UBAC1: variants seen among roughly 807,000 people sequenced by gnomAD.
UBAC1 encodes the protein UBA domain containing 1.
In UBAC1, 27 loss-of-function variants were observed where a neutral mutation model predicts 45.9. That is an observed-to-expected ratio of 0.59 (90% confidence interval 0.43 to 0.81). UBAC1 has a LOEUF of 0.81. Ranked by LOEUF, UBAC1 falls within the 30% of genes least tolerant of loss-of-function variation. UBAC1 has a pLI of 0.00. For synonymous variants in UBAC1, 227 were observed against 215.5 expected (o/e 1.05, Z -0.47); for missense variants, 529 against 539.2 (o/e 0.98, Z 0.19).
At chr9:135,951,953 T>C (rs1277147959) in intron 3 of UBAC1, among the ~76,000 whole-genome samples, 2 of 152,236 alleles carry the variant, frequency 1.3e-5, no homozygotes, top group East Asian at 1.9e-4. Flanking sequence ...TCCAAGAGGC[T>C]GTGGGGCAAC....
rs981347818 is a variant in UBAC1, at chr9:135,947,845, G to A, written c.394C>T (p.Pro132Ser). The A allele has an allele frequency of 2.5e-6, 4 of 1,614,060 alleles. No individual in the cohort carries two copies. In the East Asian group the frequency reaches 8.9e-5, roughly 36 times the overall value. ...GCGGCCCGGTCCATGTTGTAGGAGGGCAGGTTGGCGGTGGCCCGCAGTATG... is the reference window on the plus strand; with the variant it reads ...GCGGCCCGGTCCATGTTGTAGGAGGACAGGTTGGCGGTGGCCCGCAGTATG... ...EAILRATANL[P>S]SYNMDRAAVQ... The change falls in exon 4 of 10, where the codon CCC becomes TCC. Residue 132 changes from proline to serine, a missense_variant. Transcript: ENST00000371756.
intron 7 of UBAC1, 64 bp from the exon 8 acceptor site, chr9:135,939,823 C>A (rs142043344): frequency 1.4e-6 from 2 of 1,460,396 alleles, no homozygotes; most frequent in Non-Finnish European, 1.9e-6. Context: ...CAGTGACCTG[C>A]GTGCAGAGGG....
At chr9:135,935,653 T>C (rs374666650) in intron 9 of UBAC1, among the ~76,000 whole-genome samples, 3 of 150,066 alleles carry the variant, frequency 2.0e-5, no homozygotes, top group Admixed American at 2.0e-4. Context: ...GGAAAACAAA[T>C]AGATGACACG....
chr9:135,954,200 T>C (rs1026409173), intron 2 of UBAC1, among the ~76,000 whole-genome samples: 1 of 150,508 alleles, frequency 6.6e-6, no homozygotes, highest in African/African-American at 2.4e-5. Flanking sequence ...CTCACTCCTG[T>C]AATCCCAGCA....
chr9:135,954,081 C>T (rs959095672), intron 2 of UBAC1, among the ~76,000 whole-genome samples: 1 of 148,910 alleles, frequency 6.7e-6, no homozygotes, highest in Non-Finnish European at 1.5e-5. Flanking sequence ...GGAGGTTGCA[C>T]TGAGCCAAGA....
chr9:135,935,571 G>A (rs536297616), intron 9 of UBAC1, among the ~76,000 whole-genome samples: 1 of 152,198 alleles, frequency 6.6e-6, no homozygotes, highest in African/African-American at 2.4e-5. Flanking sequence ...GGTCAAGGCT[G>A]CAGTAAGCTG....
chr9:135,959,675 G>A (rs1205431348), intron 1 of UBAC1, among the ~76,000 whole-genome samples: 1 of 152,058 alleles, frequency 6.6e-6, no homozygotes, highest in Non-Finnish European at 1.5e-5. Context: ...GCCCGGCCCA[G>A]AGAAGTTTTT....
chr9:135,935,039 T>C (rs972689943), intron 9 of UBAC1, among the ~76,000 whole-genome samples: 9 of 152,100 alleles, frequency 5.9e-5, no homozygotes, highest in Non-Finnish European at 1.2e-4. Context: ...GTGCCACCAC[T>C]CCTGGCTGAT....
At chr9:135,947,307 G>C (rs7870592) in intron 4 of UBAC1, among the ~76,000 whole-genome samples, 1 of 151,782 alleles carries the variant, frequency 6.6e-6, no homozygotes, top group African/African-American at 2.4e-5. Context: ...GCTGGAGTAC[G>C]ATGATGCAAT....
intron 7 of UBAC1, among the ~76,000 whole-genome samples, chr9:135,941,884 G>T (rs1411795809): frequency 1.3e-5 from 2 of 152,246 alleles, no homozygotes; most frequent in Non-Finnish European, 2.9e-5. Flanking sequence ...AACAAAGCTA[G>T]TATCTCGATC....
intron 3 of UBAC1, among the ~76,000 whole-genome samples, chr9:135,952,577 G>A (rs751054344): frequency 4.6e-5 from 7 of 152,224 alleles, no homozygotes; most frequent in Non-Finnish European, 7.3e-5. Context: ...GCAAGTGGAC[G>A]GTGCAGACCA....
chr9:135,939,433 C>T (rs1034928765), intron 8 of UBAC1, among the ~76,000 whole-genome samples: 11 of 152,112 alleles, frequency 7.2e-5, no homozygotes, highest in African/African-American at 2.7e-4. Flanking sequence ...CCAGCACTCG[C>T]CCAGCCTGAC....
rs1295120438 is a variant in UBAC1 at position 135,953,834 on chromosome 9, T to C, written c.260-81A>G. 3.1e-6 allele frequency: 4 copies of C among 1,300,382 alleles called. No homozygotes were observed. In the East Asian group the frequency reaches 7.4e-5, roughly 24 times the overall value. 80.6% of individuals were successfully genotyped at this position (1,300,382 alleles called of 1,614,324 possible). A position where few individuals can be genotyped will look rare whatever the true frequency, so the allele number is the denominator to read the frequency against. On this transcript the variant is annotated intron_variant, in intron 2 of 9. Coordinates refer to ENST00000371756, the MANE Select transcript of UBAC1 (RefSeq NM_016172.3). ...ATGGCATAAAGGGTGCTGGATGCCCTGAGAACAGAACAGCAGGGATTCGGC... is the reference window on the plus strand; with the variant it reads ...ATGGCATAAAGGGTGCTGGATGCCCCGAGAACAGAACAGCAGGGATTCGGC...
Position 135,947,877 on chromosome 9 carries a change from T to C in UBAC1, c.362A>G (p.Lys121Arg). Residue 121 changes from lysine (K) to arginine (R), a missense_variant, in exon 4 of 10, where the codon AAA becomes AGA. Lys to Arg is a conservative substitution (Grantham distance 26, BLOSUM62 2). Transcript: ENST00000371756. The stretch of plus-strand genomic sequence containing the variant: ...GGCGGTGGCCCGCAGTATGGCCTCT[T>C]TATCTGGAGCTTTCTGGTCTTGTTT... ...KKKQDQKAPD[K>R]EAILRATANL... is the part of the protein sequence containing the mutation. 1 of 1,614,130 alleles carries C rather than the reference T, an allele frequency of 6.2e-7. No homozygotes were observed. The highest frequency in any genetic ancestry group is 8.5e-7 in the Non-Finnish European group (1 of 1,179,990).
intron 2 of UBAC1, among the ~76,000 whole-genome samples, chr9:135,954,497 C>A (rs972663632): frequency 2.6e-5 from 4 of 152,216 alleles, no homozygotes; most frequent in Admixed American, 2.0e-4. Context: ...CACCAGCCTT[C>A]CCTCACTTTT....
In UBAC1 at chr9:135,961,070, G is replaced by C. The variant is rs1473013885; in HGVS notation, c.93C>G (p.Thr31=). Residue 31 remains threonine, a synonymous_variant, in exon 1 of 10, where the codon ACC becomes ACG. Coordinates refer to ENST00000371756, the MANE Select transcript of UBAC1 (RefSeq NM_016172.3). ...TGAGCTTCTCCACCGAGGTGTCCTC[G>C]GTGGCCTCCTCCAGCCACTCGGCGC... ...SDGAEWLEEA[T]EDTSVEKLKE... 5 of 1,583,052 alleles carry C rather than the reference G, an allele frequency of 3.2e-6. No homozygotes were observed. Among genetic ancestry groups the C allele is most frequent in the Non-Finnish European group, 4.3e-6 (5 of 1,170,286 alleles).
chr9:135,953,306 T>C (rs1208719777), intron 3 of UBAC1, among the ~76,000 whole-genome samples: 1 of 152,200 alleles, frequency 6.6e-6, no homozygotes, highest in African/African-American at 2.4e-5. Context: ...ATTCTTTTTT[T>C]TTTAAGTTTG....
intron 5 of UBAC1, 33 bp downstream of exon 5, chr9:135,946,236 G>A (rs550405714): frequency 9.4e-6 from 14 of 1,488,364 alleles, no homozygotes; most frequent in Admixed American, 3.3e-5. Context: ...GCAGTGAACC[G>A]CCCTGGAATG....
intron 3 of UBAC1, 88 bp from the exon 4 acceptor site, chr9:135,947,993 G>T: frequency 8.1e-7 from 1 of 1,230,798 alleles, no homozygotes; most frequent in Non-Finnish European, 1.1e-6. Flanking sequence ...CTCTGCCCAA[G>T]AAAGACTCCG....
Sources: gnomAD v4.1 joint callset for allele counts (sites outside exome capture counted in the v4.1 genomes callset) on GRCh38, gnomAD v4.1.1 for gene constraint, MANE v1.5 for transcripts, NCBI Gene and HGNC (gene_info 2026-07-23, HGNC 2026-07-21) for gene names.